FNDC3B: variants seen among roughly 807,000 people sequenced by gnomAD.
FNDC3B encodes fibronectin type III domain-containing protein 3B.
A neutral mutation model predicts 151.5 loss-of-function variants in FNDC3B; 12 were observed. That is an observed-to-expected ratio of 0.08 (90% CI 0.05 to 0.13). The LOEUF (loss-of-function observed/expected upper bound fraction) is 0.13. Among genes scored for constraint, FNDC3B ranks in the 10% least tolerant of loss-of-function variants. FNDC3B has a pLI of 1.00. For synonymous variants in FNDC3B, 528 were observed against 549.0 expected (o/e 0.96, Z 0.54); for missense variants, 1,214 against 1,505.3 (o/e 0.81, Z 3.20).
chr3:172,060,606 A>G (rs550544144), intron 1 of FNDC3B, among the ~76,000 whole-genome samples: 64 of 152,356 alleles, frequency 4.2e-4, no homozygotes, highest in Admixed American at 2.4e-3. Context: ...AGATGCGGCA[A>G]GAGAAGAAGC....
At chr3:172,361,390 AG>A (rs1310889233) in intron 22 of FNDC3B, among the ~76,000 whole-genome samples, 1 of 152,194 alleles carries the variant, frequency 6.6e-6, no homozygotes, top group African/African-American at 2.4e-5. Context: ...AGAAGCAGCC[AG>A]GTCACCTCTT....
chr3:172,310,499 G>A (rs926269836), intron 10 of FNDC3B, among the ~76,000 whole-genome samples: 2 of 152,150 alleles, frequency 1.3e-5, no homozygotes, highest in Non-Finnish European at 2.9e-5. Context: ...CTCACTCTAC[G>A]CTTGAATTCA....
Position 172,400,638 on chromosome 3 carries a change from CTG to C in FNDC3B, c.*3165_*3166del, listed in dbSNP as rs1389002997. 1 of 152,518 alleles carries C rather than the reference CTG, an allele frequency of 6.6e-6. No homozygotes were observed. Among genetic ancestry groups the C allele is most frequent in the African/African-American group, 2.4e-5 (1 of 41,398 alleles). The allele number at this position is 152,518 out of a possible 1,614,324, so 9.4% of individuals were successfully genotyped here. On this transcript the variant is annotated 3_prime_UTR_variant, in exon 26 of 26. Transcript: ENST00000415807. ...ATATTATGCTATATGTAATACCTAA[CTG>C]TATCTGTAGTGTATATGTAATATAT... is the stretch of plus-strand genomic sequence containing the variant.
In FNDC3B at chr3:172,332,897, A is replaced by C. The variant is rs191387726; in HGVS notation, c.1555-192A>C. 3.8e-3 allele frequency among the ~76,000 whole-genome samples: 573 copies of C among 152,332 alleles called. 3 individuals carry two copies. Among genetic ancestry groups the C allele is most frequent in the Non-Finnish European group, 6.1e-3 (412 of 68,022 alleles). On this transcript the variant is annotated intron_variant, in intron 13 of 25. Coordinates refer to ENST00000415807, the MANE Select transcript of FNDC3B (RefSeq NM_022763.4). ...GAGAAATTACAGTGTGATGGAGATAAATTTTTATTTAAAGCTCAAGTGCTA... is the reference window on the plus strand; with the variant it reads ...GAGAAATTACAGTGTGATGGAGATACATTTTTATTTAAAGCTCAAGTGCTA...
At chr3:172,239,600 G>T (rs935052691) in intron 4 of FNDC3B, among the ~76,000 whole-genome samples, 5 of 151,992 alleles carry the variant, frequency 3.3e-5, no homozygotes, top group Non-Finnish European at 5.9e-5. Flanking sequence ...GCCATCTGGG[G>T]AAGCCTTTTT....
chr3:172,087,058 C>T (rs139112768), intron 1 of FNDC3B, among the ~76,000 whole-genome samples: 280 of 152,228 alleles, frequency 1.8e-3, no homozygotes, highest in Non-Finnish European at 3.2e-3. Context: ...AAGCCACTCC[C>T]GGAGATGGAA....
At chr3:172,088,575 T>C (rs879334083) in intron 1 of FNDC3B, among the ~76,000 whole-genome samples, 2 of 152,258 alleles carry the variant, frequency 1.3e-5, no homozygotes, top group Admixed American at 6.5e-5. Context: ...TATAAATGTT[T>C]GAAATGTTTT....
intron 6 of FNDC3B, among the ~76,000 whole-genome samples, chr3:172,279,203 A>G (rs1729578088): frequency 8.2e-6 from 1 of 121,338 alleles, no homozygotes; most frequent in Non-Finnish European, 1.6e-5. Context: ...CTTGACTCAA[A>G]TCACAGGCCT....
At chr3:172,146,024 G>A (rs1389291072) in intron 3 of FNDC3B, among the ~76,000 whole-genome samples, 5 of 152,106 alleles carry the variant, frequency 3.3e-5, no homozygotes, top group African/African-American at 4.8e-5. Context: ...TGTTGGTCAG[G>A]CTGATCTTGA....
intron 4 of FNDC3B, among the ~76,000 whole-genome samples, chr3:172,233,963 A>G (rs1178438494): frequency 6.6e-6 from 1 of 152,122 alleles, no homozygotes; most frequent in Non-Finnish European, 1.5e-5. Flanking sequence ...TTTATTTTTT[A>G]TCTTGTGGCT....
intron 1 of FNDC3B, among the ~76,000 whole-genome samples, chr3:172,056,996 C>G (rs886476238): frequency 3.3e-5 from 5 of 152,116 alleles, no homozygotes; most frequent in Admixed American, 2.6e-4. Flanking sequence ...CCAAGCAGTA[C>G]TTAGTTACTG....
intron 3 of FNDC3B, among the ~76,000 whole-genome samples, chr3:172,197,097 C>T (rs1305289162): frequency 6.6e-6 from 1 of 152,078 alleles, no homozygotes; most frequent in African/African-American, 2.4e-5. Context: ...AGGAGAATCA[C>T]TTGAACCTGG....
rs1016969643 is a variant in FNDC3B, at chr3:172,325,862, C to A, written c.1255-3090C>A. 3.9e-5 allele frequency among the ~76,000 whole-genome samples: 6 copies of A among 152,208 alleles called. No individual in the cohort carries two copies. In the East Asian group the frequency reaches 9.6e-4, roughly 24 times the overall value. ...TATTAGAGACAGAGTCTCGTTCTGTCACCCAGGCTGGAGTGCAGTGGCGTG... is the reference window on the plus strand; with the variant it reads ...TATTAGAGACAGAGTCTCGTTCTGTAACCCAGGCTGGAGTGCAGTGGCGTG... On this transcript the variant is annotated intron_variant, in intron 11 of 25. Coordinates refer to ENST00000415807, the MANE Select transcript of FNDC3B (RefSeq NM_022763.4).
chr3:172,194,817 A>G (rs1369540575), intron 3 of FNDC3B, among the ~76,000 whole-genome samples: 1 of 152,132 alleles, frequency 6.6e-6, no homozygotes, highest in African/African-American at 2.4e-5. Context: ...TTTGGCCTCA[A>G]CTCTGGTGGG....
intron 13 of FNDC3B, 108 bp downstream of exon 13, chr3:172,330,823 C>T: frequency 1.2e-6 from 1 of 824,534 alleles, no homozygotes; most frequent in Non-Finnish European, 1.9e-6. Flanking sequence ...AAGCCAAACT[C>T]TTAATTTCTG....
chr3:172,364,562 G>C (rs963317347), intron 23 of FNDC3B, among the ~76,000 whole-genome samples: 2 of 152,180 alleles, frequency 1.3e-5, no homozygotes, highest in African/African-American at 4.8e-5. Flanking sequence ...CCCTGTGTGG[G>C]GCAGCAGCCC....
chr3:172,063,133 C>T (rs994802903), intron 1 of FNDC3B, among the ~76,000 whole-genome samples: 9 of 152,224 alleles, frequency 5.9e-5, no homozygotes, highest in East Asian at 1.9e-4. Context: ...TGAAGCAAGT[C>T]TTGATTTTTT....
chr3:172,319,077 G>A (rs1394122992), intron 11 of FNDC3B, among the ~76,000 whole-genome samples: 1 of 152,222 alleles, frequency 6.6e-6, no homozygotes, highest in African/African-American at 2.4e-5. Context: ...ACATGATGAG[G>A]TTGTGTGTTT....
chr3:172,067,621 CAA>C (rs753786809), intron 1 of FNDC3B, among the ~76,000 whole-genome samples: 29 of 152,090 alleles, frequency 1.9e-4, no homozygotes, highest in Admixed American at 1.3e-3. Flanking sequence ...CTATACGAAG[CAA>C]AGTCTCTGGT....
Sources: allele counts gnomAD v4.1 joint callset (sites outside exome capture counted in the v4.1 genomes callset), GRCh38; gene constraint gnomAD v4.1.1; transcripts MANE v1.5; gene names NCBI Gene and HGNC (gene_info 2026-07-23, HGNC 2026-07-21).